CADM2: variants seen among roughly 807,000 people sequenced by gnomAD.
The protein encoded by CADM2 is immunoglobulin superfamily member 4D.
Under a neutral mutation model 49.8 loss-of-function variants are expected in CADM2, and 12 were observed. The observed-to-expected ratio is 0.24, with a 90% CI of 0.15 to 0.39. The LOEUF (loss-of-function observed/expected upper bound fraction) is 0.39. CADM2 is among the 10% of genes least tolerant of loss of function. CADM2 has a pLI of 1.00. For synonymous variants in CADM2, 214 were observed against 175.4 expected (o/e 1.22, Z -1.74); for missense variants, 378 against 492.3 (o/e 0.77, Z 2.20).
chr3:85,995,641 G>A (rs1729286816), intron 8 of CADM2, among the ~76,000 whole-genome samples: 2 of 152,110 alleles, frequency 1.3e-5, no homozygotes, highest in Non-Finnish European at 2.9e-5. Flanking sequence ...TCTATAAGAA[G>A]CCTAAAATAT....
At chr3:85,156,000 A>C (rs1488432105) in intron 1 of CADM2, among the ~76,000 whole-genome samples, 3 of 152,192 alleles carry the variant, frequency 2.0e-5, no homozygotes, top group Admixed American at 6.5e-5. Context: ...AAAGATCCAA[A>C]ATTTCCTTCT....
intron 8 of CADM2, among the ~76,000 whole-genome samples, chr3:85,973,689 A>G (rs1726437110): frequency 6.6e-6 from 1 of 151,742 alleles, no homozygotes; most frequent in African/African-American, 2.4e-5. Flanking sequence ...ATGTTATTAT[A>G]ACATCGCACA....
At chr3:86,003,576 T>C (rs751394719) in intron 8 of CADM2, among the ~76,000 whole-genome samples, 2 of 152,228 alleles carry the variant, frequency 1.3e-5, no homozygotes, top group African/African-American at 4.8e-5. Context: ...ATAATGCCTA[T>C]TATATATGGA....
intron 1 of CADM2, among the ~76,000 whole-genome samples, chr3:85,126,952 G>A (rs981033001): frequency 6.6e-6 from 1 of 152,082 alleles, no homozygotes; most frequent in African/African-American, 2.4e-5. Flanking sequence ...TATGGTATGT[G>A]CATGCATTGC....
In CADM2 at chr3:85,058,074, T is replaced by C. The variant is rs536415352; in HGVS notation, c.61+98406T>C. Reference sequence around the variant, plus strand: ...CTCACAGATTCTTTGAATGGAATTATTATATTCTGTCTTTTTCTCTGCTAT... The same window carrying C: ...CTCACAGATTCTTTGAATGGAATTACTATATTCTGTCTTTTTCTCTGCTAT... On this transcript the variant is annotated intron_variant, in intron 1 of 9. Transcript: ENST00000383699. Among the ~76,000 whole-genome samples the C allele has an allele frequency of 4.6e-5, 7 of 152,324 alleles. No individual in the cohort carries two copies. The East Asian group carries it at 1.3e-3, about 29-fold the overall frequency.
chr3:85,027,109 CTTTTTTTTTT>C (rs1160735135), intron 1 of CADM2, among the ~76,000 whole-genome samples: 1 of 55,690 alleles, frequency 1.8e-5, no homozygotes, highest in African/African-American at 9.7e-5. Context: ...TTTCTTTTTC[CTTTTTTTTTT>C]TTTTTTTTTT....
chr3:85,415,419 C>CAAAA lies in CADM2; in HGVS notation c.62-311094_62-311091dup, dbSNP rs111449069. On this transcript the variant is annotated intron_variant, in intron 1 of 9. Coordinates refer to ENST00000383699, the MANE Select transcript of CADM2 (RefSeq NM_001167675.2). The stretch of plus-strand genomic sequence containing the variant: ...AAGTACGAATAGTGCCAGCTTTTGC[C>CAAAA]AAAAAAAAAAAACTAGCCTAGAAAT... 7.1e-3 allele frequency among the ~76,000 whole-genome samples: 1,033 copies of CAAAA among 145,318 alleles called. 10 individuals are homozygous for CAAAA. Among genetic ancestry groups the CAAAA allele is most frequent in the Non-Finnish European group, 9.9e-3 (657 of 66,330 alleles).
chr3:85,336,985 T>G (rs7631916), intron 1 of CADM2, among the ~76,000 whole-genome samples: 3 of 46,988 alleles, frequency 6.4e-5, no homozygotes, highest in Non-Finnish European at 2.1e-4. Context: ...ATTTAATATA[T>G]ATATATTTAA....
intron 1 of CADM2, among the ~76,000 whole-genome samples, chr3:84,989,411 A>G (rs1000191452): frequency 1.3e-5 from 2 of 152,160 alleles, no homozygotes; most frequent in African/African-American, 2.4e-5. Context: ...AATAGCAATC[A>G]AAATTAATAT....
chr3:85,758,620 T>A (rs947405712), intron 2 of CADM2, among the ~76,000 whole-genome samples: 62 of 152,142 alleles, frequency 4.1e-4, no homozygotes, highest in Non-Finnish European at 7.2e-4. Flanking sequence ...CAATATTTAG[T>A]TTGGTTTTAT....
chr3:85,411,228 A>C (rs1175495573), intron 1 of CADM2, among the ~76,000 whole-genome samples: 2 of 152,204 alleles, frequency 1.3e-5, no homozygotes, highest in East Asian at 3.8e-4. Flanking sequence ...TAGGGGTCTT[A>C]TTAGAGTATA....
intron 3 of CADM2, among the ~76,000 whole-genome samples, chr3:85,871,800 C>T (rs998094552): frequency 7.2e-5 from 11 of 152,044 alleles, no homozygotes; most frequent in Admixed American, 7.2e-4. Context: ...TATCTACTGC[C>T]CTTGTATTGA....
chr3:85,342,874 A>G (rs1238972740), intron 1 of CADM2, among the ~76,000 whole-genome samples: 1 of 152,186 alleles, frequency 6.6e-6, no homozygotes, highest in Non-Finnish European at 1.5e-5. Context: ...TCCTACTAAA[A>G]AGAAAAAATC....
At chr3:85,553,436 A>C (rs2061868341) in intron 1 of CADM2, among the ~76,000 whole-genome samples, 1 of 152,250 alleles carries the variant, frequency 6.6e-6, no homozygotes, top group South Asian at 2.1e-4. Context: ...TGAGAAAAGC[A>C]CATTTGAGCC....
intron 1 of CADM2, among the ~76,000 whole-genome samples, chr3:85,233,407 A>G (rs1244469837): frequency 6.6e-6 from 1 of 152,170 alleles, no homozygotes; most frequent in South Asian, 2.1e-4. Context: ...TTGTACCAAC[A>G]TTGACTCATC....
chr3:85,471,271 T>A (rs2038752674), intron 1 of CADM2, among the ~76,000 whole-genome samples: 1 of 152,080 alleles, frequency 6.6e-6, no homozygotes, highest in Non-Finnish European at 1.5e-5. Context: ...ATTTGGTTCA[T>A]CCATTGTTCC....
At chr3:85,169,837 A>C (rs2040572368) in intron 1 of CADM2, among the ~76,000 whole-genome samples, 1 of 152,194 alleles carries the variant, frequency 6.6e-6, no homozygotes, top group South Asian at 2.1e-4. Flanking sequence ...ACATATAATG[A>C]TTTTCAATGA....
intron 1 of CADM2, among the ~76,000 whole-genome samples, chr3:85,480,869 C>A (rs183761759): frequency 3.1e-4 from 47 of 151,742 alleles, no homozygotes; most frequent in Non-Finnish European, 5.5e-4. Flanking sequence ...AATCTATAAA[C>A]TTCTAATATC....
intron 1 of CADM2, among the ~76,000 whole-genome samples, chr3:85,008,692 A>C (rs1199355272): frequency 6.6e-6 from 1 of 152,172 alleles, no homozygotes; most frequent in Non-Finnish European, 1.5e-5. Context: ...ATTAAAGAAA[A>C]TTGAGGGATC....
Sources: allele counts gnomAD v4.1 joint callset (sites outside exome capture counted in the v4.1 genomes callset), GRCh38; gene constraint gnomAD v4.1.1; transcripts MANE v1.5; gene names NCBI Gene and HGNC (gene_info 2026-07-23, HGNC 2026-07-21).